The following MVP variants were observed in gnomAD, a reference collection of about 807,000 sequenced individuals.
MVP encodes the protein major vault protein.
In MVP, 62 loss-of-function variants were observed where a neutral mutation model predicts 83.5. That is an observed-to-expected ratio of 0.74 (90% CI 0.61 to 0.92). MVP has a LOEUF of 0.92. Ranked by LOEUF, MVP falls within the 40% of genes least tolerant of loss-of-function variation. The probability of loss-of-function intolerance (pLI) is 0.00; values close to 1 mark genes in which losing one functional copy is unlikely to be tolerated. For missense variants in MVP, 1,000 were observed against 1,203.4 expected, an observed-to-expected ratio of 0.83 and a Z score of 2.50; for synonymous variants, 505 against 504.1, an observed-to-expected ratio of 1.00 and a Z score of -0.02.
chr16:29,844,131 C>T (rs1470392998), intron 10 of MVP, among the ~76,000 whole-genome samples: 1 of 152,206 alleles, frequency 6.6e-6, no homozygotes, highest in Non-Finnish European at 1.5e-5. Context: ...CTTCCCTGGA[C>T]CTCTACTTCC....
Position 29,844,512 on chromosome 16 carries a change from CG to C in MVP, c.1656del (p.Lys553ArgfsTer16). The C allele has an allele frequency of 6.5e-7, 1 of 1,544,172 alleles. No homozygotes were observed. The highest frequency in any genetic ancestry group is 8.7e-7 in the Non-Finnish European group (1 of 1,146,040). On this transcript the variant is annotated frameshift_variant, in exon 11 of 15. Transcript: ENST00000357402. LOFTEE classifies it high-confidence loss of function. The part of the protein sequence containing the change: ...AYNWHFEVND[R>X]KDPQETAKLF... ...TCACAGGCACTTTGAGGTGAATGAC[CG>C]GAAGGACCCCCAAGAGACGGCCAAG... is the stretch of plus-strand genomic sequence containing the variant.
At chr16:29,847,064 C>T (rs2067591078) in intron 13 of MVP, 133 bp from the exon 14 acceptor site, 3 of 952,068 alleles carry the variant, frequency 3.2e-6, no homozygotes, top group African/African-American at 3.3e-5. Context: ...GTGGCACATG[C>T]CTGTAGTCCC....
chr16:29,827,285 A>G (rs2067410939), intron 1 of MVP, among the ~76,000 whole-genome samples: 1 of 152,234 alleles, frequency 6.6e-6, no homozygotes, highest in African/African-American at 2.4e-5. Flanking sequence ...GAGCAGCAGA[A>G]TAACCTCCCT....
intron 5 of MVP, 153 bp downstream of exon 5, chr16:29,834,219 C>A: frequency 9.8e-7 from 1 of 1,025,030 alleles, no homozygotes; most frequent in Non-Finnish European, 1.4e-6. Context: ...ACTGCTCTTC[C>A]TTCCCCACCC....
intron 11 of MVP, among the ~76,000 whole-genome samples, 166 bp from the exon 12 acceptor site, chr16:29,845,697 C>G (rs548001709): frequency 1.3e-5 from 2 of 152,352 alleles, no homozygotes; most frequent in Admixed American, 1.3e-4. Context: ...TAGAATGACA[C>G]TGGCTTGTGG....
rs1375170497 is a variant in MVP, at chr16:29,847,397, G to A, written c.2454+12G>A. 1 of 1,531,176 alleles carries A rather than the reference G, an allele frequency of 6.5e-7. No individual in the cohort carries two copies. Among genetic ancestry groups the A allele is most frequent in the Non-Finnish European group, 8.7e-7 (1 of 1,143,628 alleles). 94.8% of individuals were successfully genotyped at this position (1,531,176 alleles called of 1,614,324 possible). ...GGCCTGAGATGCAGGTGAGAGTTGG[G>A]GAAGGTGTGTTGGTTTCAGGACCAA... is the stretch of plus-strand genomic sequence containing the variant. On this transcript the variant is annotated intron_variant, in intron 14 of 14. Transcript: ENST00000357402.
chr16:29,838,395 C>T (rs1177514050), intron 7 of MVP, among the ~76,000 whole-genome samples: 3 of 150,732 alleles, frequency 2.0e-5, no homozygotes, highest in African/African-American at 7.3e-5. Context: ...GAGATCACAC[C>T]ACTGCACTCC....
chr16:29,830,503 C>G lies in MVP; in HGVS notation c.-35-12C>G. The G allele has an allele frequency of 6.2e-7, 1 of 1,604,126 alleles. No homozygotes were observed. The highest frequency in any genetic ancestry group is 8.5e-7 in the Non-Finnish European group (1 of 1,174,244). ...CCCAGGTTCATCCTGTGTCGTCTCCCCCACCTACCAGTCATCTTCTTGTGA... is the reference window on the plus strand; with the variant it reads ...CCCAGGTTCATCCTGTGTCGTCTCCGCCACCTACCAGTCATCTTCTTGTGA... On this transcript the variant is annotated splice_polypyrimidine_tract_variant and intron_variant, in intron 1 of 14. Coordinates refer to ENST00000357402, the MANE Select transcript of MVP (RefSeq NM_005115.5).
At position 29,834,034 on chromosome 16, in the gene MVP, G is replaced by T. The variant is rs147696965; in HGVS notation, c.545G>T (p.Cys182Phe). The T allele has an allele frequency of 2.7e-5, 43 of 1,614,030 alleles. No individual in the cohort carries two copies. In the African/African-American group the frequency reaches 4.5e-4, roughly 17 times the overall value. The part of the protein sequence containing the change: ...QALRLRARKE[C>F]WDRDGKERVT... ...CTGCGGCTCAGGGCCCGCAAGGAGT[G>T]CTGGGACCGGGACGGCAAGGAGAGG... Residue 182 changes from cysteine to phenylalanine, a missense_variant, in exon 5 of 15, where the codon TGC becomes TTC. Transcript: ENST00000357402.
intron 1 of MVP, chr16:29,826,130 C>T (rs1386202620): frequency 6.6e-6 from 1 of 152,284 alleles, no homozygotes; most frequent in Non-Finnish European, 1.5e-5. Context: ...TCCCTAGATT[C>T]CTCACTGGAT....
In MVP at chr16:29,841,388, G is replaced by T. The variant is rs1596925049; in HGVS notation, c.1192-208G>T. Among the ~76,000 whole-genome samples, 1 of 152,156 alleles carries T rather than the reference G, an allele frequency of 6.6e-6. No homozygotes were observed. The highest frequency in any genetic ancestry group is 2.4e-5 in the African/African-American group (1 of 41,438). ...ACCGTCAAGTCCACTTGACACATGAGGAAACTGAAGCCCAAGGGGTGAGGT... is the reference window on the plus strand; with the variant it reads ...ACCGTCAAGTCCACTTGACACATGATGAAACTGAAGCCCAAGGGGTGAGGT... On this transcript the variant is annotated intron_variant, in intron 8 of 14. Coordinates refer to ENST00000357402, the MANE Select transcript of MVP (RefSeq NM_005115.5). This position sits in a 1 kb window ranked among gnomAD's most constrained non-coding sequence, Gnocchi z 4.7.
chr16:29,830,930 A>G lies in MVP; in HGVS notation c.178A>G (p.Thr60Ala). ...MVTVPPRHYCTVANPVSRDAQ... is the reference protein window; with the variant it reads ...MVTVPPRHYCAVANPVSRDAQ... Reference sequence around the variant, plus strand: ...GACCGTCCCCCCACGTCACTACTGCACAGTGGCCAACCCTGTGTCTCGGGA... The same window carrying G: ...GACCGTCCCCCCACGTCACTACTGCGCAGTGGCCAACCCTGTGTCTCGGGA... Residue 60 changes from threonine (T) to alanine (A), a missense_variant, in exon 3 of 15, where the codon ACA becomes GCA. Transcript: ENST00000357402. 6.2e-7 allele frequency: 1 copy of G among 1,613,876 alleles called. No homozygotes were observed. The highest frequency in any genetic ancestry group is 8.5e-7 in the Non-Finnish European group (1 of 1,179,938).
chr16:29,832,357 G>T (rs1301877623), intron 3 of MVP, among the ~76,000 whole-genome samples: 1 of 144,748 alleles, frequency 6.9e-6, no homozygotes, highest in African/African-American at 2.7e-5. Flanking sequence ...GAGTACAGTG[G>T]CATAATCTCG....
intron 10 of MVP, 61 bp from the exon 11 acceptor site, chr16:29,844,432 C>T (rs1012172026): frequency 4.0e-6 from 6 of 1,513,402 alleles, no homozygotes; most frequent in Non-Finnish European, 4.4e-6. Flanking sequence ...GACCTTGTCT[C>T]TTCTAAAGAG....
chr16:29,845,660 C>T (rs768523935), intron 11 of MVP, among the ~76,000 whole-genome samples: 3 of 152,196 alleles, frequency 2.0e-5, no homozygotes, highest in East Asian at 1.9e-4. Flanking sequence ...AGTAGGGGGC[C>T]GCAGTCACGC....
At chr16:29,847,613 G>A (rs530112936) in intron 14 of MVP, 149 bp from the exon 15 acceptor site, 87 of 963,470 alleles carry the variant, frequency 9.0e-5, no homozygotes, top group East Asian at 3.1e-4. Flanking sequence ...TGGATGGGAC[G>A]CCAGTCTGAC....
At position 29,844,596 on chromosome 16, in the gene MVP, C is replaced by CCG. The variant is rs778534743; in HGVS notation, c.1738_1739insCG (p.Arg580ProfsTer134). Reference sequence around the variant, plus strand: ...CTGCAAAGCCATCGCATCCCGGGTGCGGGGGGCCGTGGCCTCTGTCACTTT... The same window carrying CCG: ...CTGCAAAGCCATCGCATCCCGGGTGCCGGGGGGGCCGTGGCCTCTGTCACTTT... On this transcript the variant is annotated frameshift_variant, in exon 11 of 15. Coordinates refer to ENST00000357402, the MANE Select transcript of MVP (RefSeq NM_005115.5). LOFTEE classifies it high-confidence loss of function. 7 of 1,612,998 alleles carry CCG rather than the reference C, an allele frequency of 4.3e-6. No individual in the cohort carries two copies. The African/African-American group carries it at 9.3e-5, about 22-fold the overall frequency.
chr16:29,836,097 C>T (rs993266350), intron 6 of MVP, among the ~76,000 whole-genome samples: 2 of 151,658 alleles, frequency 1.3e-5, no homozygotes, highest in African/African-American at 4.8e-5. Context: ...GAGAACTCAT[C>T]GCTACAAAAA....
intron 5 of MVP, 55 bp downstream of exon 5, chr16:29,834,121 GGGGAA>G: frequency 6.3e-7 from 1 of 1,582,134 alleles, no homozygotes; most frequent in Non-Finnish European, 8.6e-7. Flanking sequence ...CCCCACTGCA[GGGGAA>G]GCAGGGGAAG....
Sources: gnomAD v4.1 joint callset for allele counts (sites outside exome capture counted in the v4.1 genomes callset) on GRCh38, gnomAD v4.1.1 for gene constraint, Gnocchi (gnomAD v3.1) non-coding constraint, MANE v1.5 for transcripts, NCBI Gene and HGNC (gene_info 2026-07-23, HGNC 2026-07-21) for gene names.